Variants in TMEM129 observed in about 807,000 individuals in gnomAD.
TMEM129 encodes transmembrane protein 129, E3 ubiquitin ligase.
A neutral mutation model predicts 34.1 loss-of-function variants in TMEM129; 35 were observed. The observed-to-expected ratio is 1.03, with a 90% CI of 0.78 to 1.36. TMEM129 has a LOEUF of 1.36. Among genes scored for constraint, TMEM129 ranks in the 40% most tolerant of loss-of-function variants. The pLI, the probability that TMEM129 is intolerant of heterozygous loss-of-function variation, is 0.00. For missense variants in TMEM129, 504 were observed against 512.6 expected, an observed-to-expected ratio of 0.98 and a Z score of 0.16; for synonymous variants, 239 against 217.3, an observed-to-expected ratio of 1.10 and a Z score of -0.88.
chr4:1,718,589 C>T lies in TMEM129; in HGVS notation c.243G>A (p.Lys81=), dbSNP rs1188183713. Residue 81 remains lysine, a synonymous_variant, in exon 2 of 4, where the codon AAG becomes AAA. Coordinates refer to ENST00000382936, the MANE Select transcript of TMEM129 (RefSeq NM_001127266.2). ...GGGCCTGGCTGAGGGCGTGGAGCCG[C>T]TTTTCTGAAGCCGCAAGGCACATGC... ...YVGMCLAASE[K]RLHALSQAPE... 1.4e-6 allele frequency: 2 copies of T among 1,461,244 alleles called. No individual in the cohort carries two copies. The highest frequency in any genetic ancestry group is 2.9e-5 in the African/African-American group (2 of 70,088). 90.5% of individuals were successfully genotyped at this position (1,461,244 alleles called of 1,614,324 possible).
Position 1,717,122 on chromosome 4 carries a change from C to T in TMEM129, c.*58G>A. The T allele has an allele frequency of 1.4e-6, 2 of 1,380,722 alleles. No homozygotes were observed. Among genetic ancestry groups the T allele is most frequent in the East Asian group, 2.7e-5 (1 of 36,640 alleles). The allele number at this position is 1,380,722 out of a possible 1,614,324, so 85.5% of individuals were successfully genotyped here. A position where few individuals can be genotyped will look rare whatever the true frequency, so the allele number is the denominator to read the frequency against. On this transcript the variant is annotated 3_prime_UTR_variant, in exon 4 of 4. Transcript: ENST00000382936. ...GCCAGCCAGGAGGCCCAGCCACCCC[C>T]TTCCCTGCCCTGTGGCTTTGGGGGG...
At chr4:1,717,943 A>G in intron 2 of TMEM129, 2 of 664,978 alleles carry the variant, frequency 3.0e-6, no homozygotes, top group Non-Finnish European at 5.0e-6. Context: ...GTGGAAGGGG[A>G]GGCCAAGAGT....
chr4:1,719,428 G>A (rs1000826672), intron 1 of TMEM129, among the ~76,000 whole-genome samples: 2 of 152,158 alleles, frequency 1.3e-5, no homozygotes, highest in African/African-American at 4.8e-5. Flanking sequence ...GCGGGCGCCT[G>A]TAGTCCCAGC....
At position 1,720,785 on chromosome 4, in the gene TMEM129, C is replaced by G. The variant is rs768681208; in HGVS notation, c.53G>C (p.Cys18Ser). Reference sequence around the variant, plus strand: ...GAACTCGTTGGGCGTGAACACGAAGCACACGGCGAACACCAGATAGGCGAG... The same window carrying G: ...GAACTCGTTGGGCGTGAACACGAAGGACACGGCGAACACCAGATAGGCGAG... Reference protein sequence around the residue: ...FTLAYLVFAVCFVFTPNEFHA... With the variant: ...FTLAYLVFAVSFVFTPNEFHA... Residue 18 changes from cysteine (C) to serine (S), a missense_variant, in exon 1 of 4, where the codon TGC becomes TCC. Physicochemically the swap from Cys to Ser is moderately radical, Grantham distance 112. Coordinates refer to ENST00000382936, the MANE Select transcript of TMEM129 (RefSeq NM_001127266.2). This position sits in a 1 kb window ranked among gnomAD's most constrained non-coding sequence, Gnocchi z 4.4. 6.3e-7 allele frequency: 1 copy of G among 1,595,306 alleles called. No homozygotes were observed. Among genetic ancestry groups the G allele is most frequent in the Non-Finnish European group, 8.5e-7 (1 of 1,172,284 alleles).
chr4:1,718,518 G>A lies in TMEM129; in HGVS notation c.314C>T (p.Ser105Phe), dbSNP rs1410127713. ...GTAGTAGATCAGGATGCAGGCGATG[G>A]AGGGGAGGGTCACGGCCAGCAGCAG... ...LFLLLAVTLPSIACILIYYWS... is the reference protein window; with the variant it reads ...LFLLLAVTLPFIACILIYYWS... Residue 105 changes from serine to phenylalanine, a missense_variant, in exon 2 of 4, where the codon TCC becomes TTC. Coordinates refer to ENST00000382936, the MANE Select transcript of TMEM129 (RefSeq NM_001127266.2). The A allele has an allele frequency of 1.3e-6, 2 of 1,530,028 alleles. No individual in the cohort carries two copies. The highest frequency in any genetic ancestry group is 2.0e-5 in the Admixed American group (1 of 50,240). The allele number at this position is 1,530,028 out of a possible 1,614,324, so 94.8% of individuals were successfully genotyped here.
chr4:1,718,946 G>C (rs1366276667), intron 1 of TMEM129: 1 of 1,255,426 alleles, frequency 8.0e-7, no homozygotes, highest in Non-Finnish European at 1.0e-6. Flanking sequence ...TGGCCTGCCA[G>C]GGCAGCTGCC....
In TMEM129 at chr4:1,718,276, C is replaced by T; in HGVS notation, c.556G>A (p.Asp186Asn). The change falls in exon 2 of 4, where the codon GAC becomes AAC. Residue 186 changes from aspartate (D) to asparagine (N), a missense_variant. Asp to Asn is a conservative substitution (Grantham distance 23, BLOSUM62 1). Transcript: ENST00000382936. ...GACTCCGTCACAGTCAGGTGCACGT[C>T]CTGCTGCTGGGCCACGTGCACTCGG... Reference protein sequence around the residue: ...TYRVHVAQQQDVHLTVTESRQ... With the variant: ...TYRVHVAQQQNVHLTVTESRQ... 6.2e-7 allele frequency: 1 copy of T among 1,612,398 alleles called. No individual in the cohort carries two copies. The highest frequency in any genetic ancestry group is 1.6e-4 in the Middle Eastern group (1 of 6,062).
In TMEM129 at chr4:1,717,188, C is replaced by T. The variant is rs1031807176; in HGVS notation, c.1081G>A (p.Val361Met). Residue 361 changes from valine (V) to methionine (M), a missense_variant, in exon 4 of 4, where the codon GTG becomes ATG. Coordinates refer to ENST00000382936, the MANE Select transcript of TMEM129 (RefSeq NM_001127266.2). ...TCAAGGCCCCAGCCCACTCAGCGCA[C>T]GGTGCACACATCCAGGATGCAGAAG... ...ARFCILDVCTVR is the reference protein window; with the variant it reads ...ARFCILDVCTMR 29 of 1,457,240 alleles carry T rather than the reference C, an allele frequency of 2.0e-5. No homozygotes were observed. The highest frequency in any genetic ancestry group is 1.5e-4 in the East Asian group (6 of 39,412). The allele number at this position is 1,457,240 out of a possible 1,614,324, so 90.3% of individuals were successfully genotyped here.
intron 1 of TMEM129, chr4:1,719,190 G>T: frequency 1.8e-6 from 1 of 543,328 alleles, no homozygotes; most frequent in Non-Finnish European, 3.3e-6. Context: ...GTTCCAGTTG[G>T]CAAAAAGTAA....
At chr4:1,718,855 C>T (rs1048450951) in intron 1 of TMEM129, 32 of 1,397,152 alleles carry the variant, frequency 2.3e-5, no homozygotes, top group Middle Eastern at 5.3e-4. Context: ...TCACACAATA[C>T]GTAAGTGTTG....
rs757836155 is a variant in TMEM129, at chr4:1,720,849, C to G, written c.-12G>C. 6.4e-7 allele frequency: 1 copy of G among 1,562,586 alleles called. No individual in the cohort carries two copies. Among genetic ancestry groups the G allele is most frequent in the Admixed American group, 1.9e-5 (1 of 53,502 alleles). ...TCGGGGCTGTCCATCGCGCAGCCGC[C>G]GGGAAGCTGTCGAGCTAGGCCCCCG... On this transcript the variant is annotated 5_prime_UTR_variant, in exon 1 of 4. Coordinates refer to ENST00000382936, the MANE Select transcript of TMEM129 (RefSeq NM_001127266.2). The surrounding 1 kb of genome is among the most constrained non-coding windows in gnomAD (Gnocchi z 4.4).
rs569494141 is a variant in TMEM129, at chr4:1,717,752, C to T, written c.681-77G>A. 4 of 1,445,524 alleles carry T rather than the reference C, an allele frequency of 2.8e-6. No homozygotes were observed. In the South Asian group the frequency reaches 4.4e-5, roughly 16 times the overall value. 89.5% of individuals were successfully genotyped at this position (1,445,524 alleles called of 1,614,324 possible). On this transcript the variant is annotated intron_variant, in intron 2 of 3. Transcript: ENST00000382936. ...ATGGAGGCTACACCCCAAGGAGTGACAGGGCAGCTGTCGCACCAGGACCAA... is the reference window on the plus strand; with the variant it reads ...ATGGAGGCTACACCCCAAGGAGTGATAGGGCAGCTGTCGCACCAGGACCAA...
chr4:1,717,496 C>A lies in TMEM129; in HGVS notation c.840+20G>T. ...CGTGGGCACCCACCCATCCACCCGGCCCTGGCCCAGGCCCCCCACCTGGCT... is the reference window on the plus strand; with the variant it reads ...CGTGGGCACCCACCCATCCACCCGGACCTGGCCCAGGCCCCCCACCTGGCT... On this transcript the variant is annotated intron_variant, in intron 3 of 3. Coordinates refer to ENST00000382936, the MANE Select transcript of TMEM129 (RefSeq NM_001127266.2). 6.6e-7 allele frequency: 1 copy of A among 1,508,284 alleles called. No homozygotes were observed. Among genetic ancestry groups the A allele is most frequent in the Non-Finnish European group, 8.9e-7 (1 of 1,119,910 alleles). The allele number at this position is 1,508,284 out of a possible 1,614,324, so 93.4% of individuals were successfully genotyped here.
Position 1,720,282 on chromosome 4 carries a change from CGTTGGACTCAATCAACA to C in TMEM129, c.205+334_205+350del, listed in dbSNP as rs1412334583. Among the ~76,000 whole-genome samples the C allele has an allele frequency of 6.6e-6, 1 of 152,250 alleles. No homozygotes were observed. The highest frequency in any genetic ancestry group is 1.9e-4 in the East Asian group (1 of 5,198). On this transcript the variant is annotated intron_variant, in intron 1 of 3. Coordinates refer to ENST00000382936, the MANE Select transcript of TMEM129 (RefSeq NM_001127266.2). The surrounding 1 kb of genome is among the most constrained non-coding windows in gnomAD (Gnocchi z 4.4). The stretch of plus-strand genomic sequence containing the variant: ...TCCACACAGCCCCTCCGACCCCTTC[CGTTGGACTCAATCAACA>C]GTTGCCTTCTCCTGGCCACTGCCCC...
chr4:1,720,724 C>A lies in TMEM129; in HGVS notation c.114G>T (p.Ser38=). Residue 38 remains serine, a synonymous_variant, in exon 1 of 4, where the codon TCG becomes TCT. Coordinates refer to ENST00000382936, the MANE Select transcript of TMEM129 (RefSeq NM_001127266.2). The surrounding 1 kb of genome is among the most constrained non-coding windows in gnomAD (Gnocchi z 4.4). ...CGGCGTCCTCGCTGCCCAGCCAGCCCGACAGCAGGTTCTGCACCGTGAGCC... is the reference window on the plus strand; with the variant it reads ...CGGCGTCCTCGCTGCCCAGCCAGCCAGACAGCAGGTTCTGCACCGTGAGCC... ...AAGLTVQNLL[S]GWLGSEDAAF... 1 of 1,564,682 alleles carries A rather than the reference C, an allele frequency of 6.4e-7. No homozygotes were observed. The highest frequency in any genetic ancestry group is 2.4e-5 in the East Asian group (1 of 41,406).
rs986530686 is a variant in TMEM129 at position 1,720,730 on chromosome 4, C to T, written c.108G>A (p.Leu36=). The part of the protein sequence containing the change: ...FHAAGLTVQN[L]LSGWLGSEDA... ...CCTCGCTGCCCAGCCAGCCCGACAG[C>T]AGGTTCTGCACCGTGAGCCCCGCCG... The change falls in exon 1 of 4, where the codon CTG becomes CTA. Residue 36 remains leucine (L), a synonymous_variant. Transcript: ENST00000382936. The surrounding 1 kb of genome is among the most constrained non-coding windows in gnomAD (Gnocchi z 4.4). The T allele has an allele frequency of 6.4e-7, 1 of 1,568,690 alleles. No individual in the cohort carries two copies. The highest frequency in any genetic ancestry group is 8.6e-7 in the Non-Finnish European group (1 of 1,158,634).
At chr4:1,718,013 C>T (rs1361782682) in intron 2 of TMEM129, 139 bp downstream of exon 2, 2 of 820,904 alleles carry the variant, frequency 2.4e-6, no homozygotes, top group Non-Finnish European at 3.7e-6. Flanking sequence ...CTTGTGGACA[C>T]CTTGCCTGGT....
At position 1,717,109 on chromosome 4, in the gene TMEM129, G is replaced by A. The variant is rs1577194764; in HGVS notation, c.*71C>T. ...AGTAGAGCCCTTTGCCAGCCAGGAG[G>A]CCCAGCCACCCCCTTCCCTGCCCTG... On this transcript the variant is annotated 3_prime_UTR_variant, in exon 4 of 4. Coordinates refer to ENST00000382936, the MANE Select transcript of TMEM129 (RefSeq NM_001127266.2). The A allele has an allele frequency of 1.5e-6, 2 of 1,373,224 alleles. No homozygotes were observed. The highest frequency in any genetic ancestry group is 2.8e-5 in the East Asian group (1 of 36,342). 85.1% of individuals were successfully genotyped at this position (1,373,224 alleles called of 1,614,324 possible).
rs957508030 is a variant in TMEM129 at position 1,717,954 on chromosome 4, G to A, written c.680+198C>T. ...GGGAGTGGAAGGGGAGGCCAAGAGTGCAGGGGGACCCGAGGGAGGGCTATG... is the reference window on the plus strand; with the variant it reads ...GGGAGTGGAAGGGGAGGCCAAGAGTACAGGGGGACCCGAGGGAGGGCTATG... On this transcript the variant is annotated intron_variant, in intron 2 of 3. Coordinates refer to ENST00000382936, the MANE Select transcript of TMEM129 (RefSeq NM_001127266.2). 2.1e-5 allele frequency: 14 copies of A among 674,550 alleles called. No homozygotes were observed. The African/African-American group carries it at 2.2e-4, about 10-fold the overall frequency. 41.8% of individuals were successfully genotyped at this position (674,550 alleles called of 1,614,324 possible).
Sources: gnomAD v4.1 joint callset for allele counts (sites outside exome capture counted in the v4.1 genomes callset) on GRCh38, gnomAD v4.1.1 for gene constraint, Gnocchi (gnomAD v3.1) non-coding constraint, MANE v1.5 for transcripts, NCBI Gene and HGNC (gene_info 2026-07-23, HGNC 2026-07-21) for gene names.